CTTN: variants seen among roughly 807,000 people sequenced by gnomAD.
The protein encoded by CTTN is src substrate cortactin.
Under a neutral mutation model 84.0 loss-of-function variants are expected in CTTN, and 28 were observed. The observed-to-expected ratio is 0.33, with a 90% confidence interval of 0.25 to 0.46. The LOEUF is 0.46. CTTN is among the 20% of genes least tolerant of loss of function. The probability of loss-of-function intolerance (pLI) is 1.00; values close to 1 mark genes in which losing one functional copy is unlikely to be tolerated. For missense variants in CTTN, 641 were observed against 723.8 expected (o/e 0.89, Z 1.31); for synonymous variants, 301 against 288.8 (o/e 1.04, Z -0.43).
At chr11:70,425,808 C>G (rs1174203181) in intron 13 of CTTN, among the ~76,000 whole-genome samples, 1 of 152,232 alleles carries the variant, frequency 6.6e-6, no homozygotes, top group Non-Finnish European at 1.5e-5. Flanking sequence ...AGCAGACATT[C>G]TCTCTGCTGC....
chr11:70,433,068 G>A (rs1273849687), intron 15 of CTTN, 33 bp from the exon 16 acceptor site: 2 of 1,604,918 alleles, frequency 1.2e-6, no homozygotes, highest in Admixed American at 3.4e-5. Flanking sequence ...GCCAGCATGG[G>A]CCCCGTGCCA....
chr11:70,435,408 G>T lies in CTTN; in HGVS notation c.*246G>T. 1 of 1,503,166 alleles carries T rather than the reference G, an allele frequency of 6.7e-7. No homozygotes were observed. The highest frequency in any genetic ancestry group is 8.8e-7 in the Non-Finnish European group (1 of 1,137,174). 93.1% of individuals were successfully genotyped at this position (1,503,166 alleles called of 1,614,324 possible). A position where few individuals can be genotyped will look rare whatever the true frequency, so the allele number is the denominator to read the frequency against. On this transcript the variant is annotated 3_prime_UTR_variant, in exon 18 of 18. Coordinates refer to ENST00000301843, the MANE Select transcript of CTTN (RefSeq NM_005231.4). ...TTCCTTAGGAGGACTTTGGTAATTG[G>T]TTTTATGCATTGATGGTTTTTTTTT...
chr11:70,415,607 C>T (rs2058148986), intron 6 of CTTN, 56 bp from the exon 7 acceptor site: 2 of 1,411,488 alleles, frequency 1.4e-6, no homozygotes, highest in Non-Finnish European at 2.0e-6. Context: ...GAGATTGTTT[C>T]AGGGACATTG....
intron 11 of CTTN, chr11:70,422,356 TG>T: frequency 2.1e-6 from 1 of 472,850 alleles, no homozygotes; most frequent in East Asian, 7.0e-5. Flanking sequence ...TAGACACACC[TG>T]GGGTGGTCCC....
chr11:70,435,110 G>A lies in CTTN; in HGVS notation c.1601G>A (p.Cys534Tyr). 1 of 1,613,870 alleles carries A rather than the reference G, an allele frequency of 6.2e-7. No homozygotes were observed. The highest frequency in any genetic ancestry group is 1.1e-5 in the South Asian group (1 of 91,084). ...MIDDGWWRGV[C>Y]KGRYGLFPAN... ...GACGACGGCTGGTGGCGCGGGGTGT[G>A]CAAGGGCCGGTACGGGCTCTTCCCA... The change falls in exon 18 of 18, where the codon TGC becomes TAC. Residue 534 changes from cysteine (C) to tyrosine (Y), a missense_variant. This residue lies in a region of CTTN where 68 missense variants were observed against 102.2 expected (regional missense o/e 0.67). Coordinates refer to ENST00000301843, the MANE Select transcript of CTTN (RefSeq NM_005231.4).
chr11:70,407,259 C>T (rs781298423), intron 2 of CTTN, 39 bp from the exon 3 acceptor site: 1 of 1,532,056 alleles, frequency 6.5e-7, no homozygotes, highest in African/African-American at 1.4e-5. Flanking sequence ...GTGGATGGCG[C>T]CCTGAGGCCT....
At chr11:70,427,484 C>T (rs550432608) in intron 13 of CTTN, among the ~76,000 whole-genome samples, 244 of 152,384 alleles carry the variant, frequency 1.6e-3, no homozygotes, top group African/African-American at 5.7e-3. Flanking sequence ...TCACATCTGC[C>T]TCTGCAGTCT....
chr11:70,416,862 A>T (rs1052401900), intron 7 of CTTN, 151 bp from the exon 8 acceptor site: 8 of 653,312 alleles, frequency 1.2e-5, no homozygotes, highest in Non-Finnish European at 2.0e-5. Flanking sequence ...CGTCACCTGT[A>T]TGGAGCAGTG....
chr11:70,420,537 A>G (rs779023021), intron 10 of CTTN, 27 bp downstream of exon 10: 2 of 1,549,808 alleles, frequency 1.3e-6, no homozygotes, highest in South Asian at 2.2e-5. Flanking sequence ...TGTATGCGAG[A>G]TGGTTTTAGA....
intron 7 of CTTN, 113 bp from the exon 8 acceptor site, chr11:70,416,900 G>A: frequency 1.3e-6 from 1 of 764,958 alleles, no homozygotes; most frequent in Non-Finnish European, 2.4e-6. Flanking sequence ...TTTAAAATGT[G>A]CGCTTGATGT....
At chr11:70,420,679 T>C (rs2058223534) in intron 10 of CTTN, among the ~76,000 whole-genome samples, 169 bp downstream of exon 10, 1 of 152,220 alleles carries the variant, frequency 6.6e-6, no homozygotes, top group African/African-American at 2.4e-5. Flanking sequence ...CTCCAGCTAG[T>C]GTAGTCACAA....
rs2058350508 is a variant in CTTN, at chr11:70,431,223, T to C, written c.1209T>C (p.Pro403=). 1 of 1,614,170 alleles carries C rather than the reference T, an allele frequency of 6.2e-7. No individual in the cohort carries two copies. The highest frequency in any genetic ancestry group is 8.5e-7 in the Non-Finnish European group (1 of 1,180,008). ...EQARAKTQTP[P]VSPAPQPTEE... ...CCAGAGCCAAAACGCAAACGCCCCC[T>C]GTGTCGCCCGCACCTCAGCCAACCG... The change falls in exon 15 of 18, where the codon CCT becomes CCC. Residue 403 remains proline, a synonymous_variant. Coordinates refer to ENST00000301843, the MANE Select transcript of CTTN (RefSeq NM_005231.4).
At chr11:70,430,012 C>A (rs1235117981) in intron 14 of CTTN, among the ~76,000 whole-genome samples, 1 of 152,194 alleles carries the variant, frequency 6.6e-6, no homozygotes, top group African/African-American at 2.4e-5. Context: ...GGGTGTTTAA[C>A]CTGTGGATGG....
chr11:70,410,960 G>T (rs1394828808), intron 5 of CTTN, among the ~76,000 whole-genome samples: 1 of 152,152 alleles, frequency 6.6e-6, no homozygotes, highest in Non-Finnish European at 1.5e-5. Flanking sequence ...GGCCGGCAGG[G>T]CACCCCAAAC....
intron 10 of CTTN, among the ~76,000 whole-genome samples, chr11:70,420,817 G>A (rs551578828): frequency 5.3e-5 from 8 of 151,906 alleles, no homozygotes; most frequent in African/African-American, 9.7e-5. Flanking sequence ...AGCCTGCAGC[G>A]GGGGGCTGGG....
intron 15 of CTTN, 117 bp from the exon 16 acceptor site, chr11:70,432,984 C>A: frequency 8.8e-7 from 1 of 1,142,016 alleles, no homozygotes; most frequent in Non-Finnish European, 1.3e-6. Flanking sequence ...TTTTCTCAGT[C>A]CTGGCTGGGA....
At chr11:70,399,253 A>C (rs1215744432) in intron 1 of CTTN, among the ~76,000 whole-genome samples, 1 of 137,846 alleles carries the variant, frequency 7.3e-6, no homozygotes, top group Non-Finnish European at 1.5e-5. Context: ...GTCCAGGCGC[A>C]GAGCTACTGG....
chr11:70,430,171 C>T lies in CTTN; in HGVS notation c.1176+972C>T, dbSNP rs114841816. Among the ~76,000 whole-genome samples the T allele has an allele frequency of 2.0e-3, 308 of 152,298 alleles. 3 individuals carry two copies. Among genetic ancestry groups the T allele is most frequent in the African/African-American group, 6.8e-3 (282 of 41,564 alleles). Reference sequence around the variant, plus strand: ...ACCATTGTTCCCGTTAGAGCAAGGCCGCCTGCAGAGGGAGAGGAGGGAAGG... The same window carrying T: ...ACCATTGTTCCCGTTAGAGCAAGGCTGCCTGCAGAGGGAGAGGAGGGAAGG... On this transcript the variant is annotated intron_variant, in intron 14 of 17. Transcript: ENST00000301843.
chr11:70,433,362 G>T, intron 16 of CTTN, 84 bp downstream of exon 16: 1 of 1,383,536 alleles, frequency 7.2e-7, no homozygotes, highest in Middle Eastern at 2.6e-4. Context: ...TCGTTGCGAG[G>T]AGCGTGGGTT....
Sources: gnomAD v4.1 joint callset for allele counts (sites outside exome capture counted in the v4.1 genomes callset) on GRCh38, gnomAD v4.1.1 for gene constraint, gnomAD v4.1.1 regional missense constraint, MANE v1.5 for transcripts, NCBI Gene and HGNC (gene_info 2026-07-23, HGNC 2026-07-21) for gene names.